Variants in C17orf78 observed in about 807,000 individuals in gnomAD.
C17orf78 encodes the protein chromosome 17 open reading frame 78, also known as uncharacterized protein C17orf78.
A neutral mutation model predicts 31.8 loss-of-function variants in C17orf78; 27 were observed. The ratio of observed to expected loss-of-function variants is 0.85; its 90% CI spans 0.63 to 1.17. C17orf78 has a LOEUF of 1.17. C17orf78 is among the 50% of genes most tolerant of loss of function. The probability of loss-of-function intolerance (pLI) is 0.00; values close to 1 mark genes in which losing one functional copy is unlikely to be tolerated. For synonymous variants in C17orf78, 106 were observed against 115.1 expected (o/e 0.92, Z 0.51); for missense variants, 258 against 315.2 (o/e 0.82, Z 1.37).
intron 3 of C17orf78, among the ~76,000 whole-genome samples, chr17:37,380,288 G>A (rs1309708002): frequency 9.2e-6 from 1 of 108,924 alleles, no homozygotes; most frequent in African/African-American, 4.1e-5. Context: ...GGTGGGGGGA[G>A]GGGGGAGGGA....
In C17orf78 at chr17:37,392,335, A is replaced by T. The variant is rs2050918168; in HGVS notation, c.*611A>T. ...CCCAAGTGAAGTCTTCTGACGATCC[A>T]GAATTCCTAAGGTGGCTCTGATATT... On this transcript the variant is annotated 3_prime_UTR_variant, in exon 7 of 7. Coordinates refer to ENST00000615133, the MANE Select transcript of C17orf78 (RefSeq NM_173625.5). The T allele has an allele frequency of 6.6e-6, 1 of 152,326 alleles. No individual in the cohort carries two copies. Among genetic ancestry groups the T allele is most frequent in the African/African-American group, 2.4e-5 (1 of 41,464 alleles). The allele number at this position is 152,326 out of a possible 1,614,324, so 9.4% of individuals were successfully genotyped here. A position where few individuals can be genotyped will look rare whatever the true frequency, so the allele number is the denominator to read the frequency against.
chr17:37,390,171 T>TACACAC lies in C17orf78; in HGVS notation c.750+810_750+811insCACACA, dbSNP rs1214175820. ...ATATATATATATATATATATATATA[T>TACACAC]ATATACACACACACATTATATATAA... On this transcript the variant is annotated intron_variant, in intron 6 of 6. Transcript: ENST00000615133. Among the ~76,000 whole-genome samples the TACACAC allele has an allele frequency of 7.1e-5, 4 of 56,176 alleles. 1 individual carries two copies. Among genetic ancestry groups the TACACAC allele is most frequent in the African/African-American group, 4.0e-4 (4 of 10,088 alleles). 36.9% of individuals were successfully genotyped at this position (56,176 alleles called of 152,430 possible). A position where few individuals can be genotyped will look rare whatever the true frequency, so the allele number is the denominator to read the frequency against.
At chr17:37,381,588 C>T (rs1310459489) in intron 3 of C17orf78, among the ~76,000 whole-genome samples, 1 of 150,518 alleles carries the variant, frequency 6.6e-6, no homozygotes, top group Non-Finnish European at 1.5e-5. Flanking sequence ...TTCTTTTTAA[C>T]AGTTTTACAT....
chr17:37,386,178 G>A lies in C17orf78; in HGVS notation c.508+53G>A, dbSNP rs922800505. Reference sequence around the variant, plus strand: ...AGTACAGAATAAGTAGGAGTAAAATGGGAACAGAAAAGAAACATTTTTAGC... The same window carrying A: ...AGTACAGAATAAGTAGGAGTAAAATAGGAACAGAAAAGAAACATTTTTAGC... On this transcript the variant is annotated intron_variant, in intron 4 of 6. Transcript: ENST00000615133. The A allele has an allele frequency of 8.3e-6, 10 of 1,207,930 alleles. No homozygotes were observed. In the African/African-American group the frequency reaches 1.1e-4, roughly 13 times the overall value. The allele number at this position is 1,207,930 out of a possible 1,614,324, so 74.8% of individuals were successfully genotyped here. A position where few individuals can be genotyped will look rare whatever the true frequency, so the allele number is the denominator to read the frequency against.
rs1386032855 is a variant in C17orf78, at chr17:37,390,330, A to ATATATATATATCTATATC, written c.750+972_750+973insTATATATCTATATCTATA. Among the ~76,000 whole-genome samples the ATATATATATATCTATATC allele has an allele frequency of 1.2e-4, 5 of 41,582 alleles. 1 individual carries two copies. The highest frequency in any genetic ancestry group is 2.6e-4 in the African/African-American group (2 of 7,842). 27.3% of individuals were successfully genotyped at this position (41,582 alleles called of 152,430 possible). On this transcript the variant is annotated intron_variant, in intron 6 of 6. Transcript: ENST00000615133. ...TATATATATATATATATATATATAT[A>ATATATATATATCTATATC]TATAAAAGGCCAGCTGGGCCGGGCA... is the stretch of plus-strand genomic sequence containing the variant.
intron 4 of C17orf78, chr17:37,387,871 T>C (rs952650814): frequency 3.3e-5 from 5 of 152,136 alleles, no homozygotes; most frequent in African/African-American, 9.7e-5. Flanking sequence ...AATAATGAGA[T>C]GCACATTAGG....
rs749540176 is a variant in C17orf78 at position 37,389,278 on chromosome 17, A to G, written c.666A>G (p.Gln222=). 1.3e-6 allele frequency: 2 copies of G among 1,596,664 alleles called. No homozygotes were observed. Among genetic ancestry groups the G allele is most frequent in the Non-Finnish European group, 1.7e-6 (2 of 1,171,694 alleles). ...YQCLGARKLC[Q]CQWLWRWQKK... Reference sequence around the variant, plus strand: ...GCCTAGGAGCCAGGAAGCTGTGCCAATGCCAGTGGTTGTGGAGATGGCAAA... The same window carrying G: ...GCCTAGGAGCCAGGAAGCTGTGCCAGTGCCAGTGGTTGTGGAGATGGCAAA... The change falls in exon 6 of 7, where the codon CAA becomes CAG. Residue 222 remains glutamine (Q), a synonymous_variant. Coordinates refer to ENST00000615133, the MANE Select transcript of C17orf78 (RefSeq NM_173625.5).
intron 4 of C17orf78, chr17:37,388,039 C>T (rs1264087355): frequency 2.6e-5 from 4 of 152,046 alleles, no homozygotes; most frequent in African/African-American, 9.7e-5. Flanking sequence ...GTGGCGTTCG[C>T]CTGTGGTCTG....
At position 37,390,330 on chromosome 17, in the gene C17orf78, A is replaced by ATATATATAATATATATATATC. The variant is rs1386032855; in HGVS notation, c.750+972_750+973insTATAATATATATATATCTATA. Among the ~76,000 whole-genome samples the ATATATATAATATATATATATC allele has an allele frequency of 1.9e-4, 8 of 41,592 alleles. 2 individuals carry two copies. Among genetic ancestry groups the ATATATATAATATATATATATC allele is most frequent in the African/African-American group, 7.7e-4 (6 of 7,838 alleles). 27.3% of individuals were successfully genotyped at this position (41,592 alleles called of 152,430 possible). On this transcript the variant is annotated intron_variant, in intron 6 of 6. Coordinates refer to ENST00000615133, the MANE Select transcript of C17orf78 (RefSeq NM_173625.5). Reference sequence around the variant, plus strand: ...TATATATATATATATATATATATATATATAAAAGGCCAGCTGGGCCGGGCA... The same window carrying ATATATATAATATATATATATC: ...TATATATATATATATATATATATATATATATATAATATATATATATCTATAAAAGGCCAGCTGGGCCGGGCA...
chr17:37,386,083 A>G lies in C17orf78; in HGVS notation c.466A>G (p.Ile156Val). 1.9e-6 allele frequency: 3 copies of G among 1,600,886 alleles called. No homozygotes were observed. The highest frequency in any genetic ancestry group is 1.1e-5 in the South Asian group (1 of 89,470). ...GACTTTTCCCACCACTGCCCCTTCTATAACTCCTGGGAATAAAGAAGGAGA... is the reference window on the plus strand; with the variant it reads ...GACTTTTCCCACCACTGCCCCTTCTGTAACTCCTGGGAATAAAGAAGGAGA... ...SETFPTTAPS[I>V]TPGNKEGEKT... is the part of the protein sequence containing the mutation. The change falls in exon 4 of 7, where the codon ATA (isoleucine) becomes GTA (valine). Residue 156 changes from isoleucine to valine, a missense_variant. Transcript: ENST00000615133.
intron 6 of C17orf78, 59 bp from the exon 7 acceptor site, chr17:37,391,588 C>A: frequency 1.3e-6 from 2 of 1,489,732 alleles, no homozygotes; most frequent in South Asian, 1.1e-5. Flanking sequence ...TTTCTTGGTA[C>A]ATGAAGAACT....
chr17:37,391,850 T>C lies in C17orf78; in HGVS notation c.*126T>C, dbSNP rs150689068. On this transcript the variant is annotated 3_prime_UTR_variant, in exon 7 of 7. Transcript: ENST00000615133. The stretch of plus-strand genomic sequence containing the variant: ...GACATTACAATCAAACACCAATTCC[T>C]GGTTAATGAAGGGAGAGTGTGGGCT... The C allele has an allele frequency of 1.1e-5, 10 of 885,426 alleles. No homozygotes were observed. In the African/African-American group the frequency reaches 1.1e-4, roughly 10 times the overall value. The allele number at this position is 885,426 out of a possible 1,614,324, so 54.8% of individuals were successfully genotyped here. A position where few individuals can be genotyped will look rare whatever the true frequency, so the allele number is the denominator to read the frequency against.
intron 3 of C17orf78, among the ~76,000 whole-genome samples, chr17:37,385,089 A>T (rs529824575): frequency 6.6e-6 from 1 of 152,166 alleles, no homozygotes; most frequent in Admixed American, 6.5e-5. Context: ...TCTCATCTGG[A>T]CTTTTGCAAT....
rs773317302 is a variant in C17orf78 at position 37,376,126 on chromosome 17, G to A, written c.34G>A (p.Ala12Thr). Residue 12 changes from alanine (A) to threonine (T), a missense_variant, in exon 1 of 7, where the codon GCA (alanine) becomes ACA (threonine). Physicochemically the swap from Ala to Thr is moderately conservative, Grantham distance 58. Transcript: ENST00000615133. ...CATCTTGGTCTTCAGCCTAATCATT[G>A]CATCCTATGATGCCAACAAGAAAGG... is the stretch of plus-strand genomic sequence containing the variant. ...DTILVFSLII[A>T]SYDANKKDLR... 5.0e-6 allele frequency: 8 copies of A among 1,612,980 alleles called. No homozygotes were observed. The highest frequency in any genetic ancestry group is 5.1e-6 in the Non-Finnish European group (6 of 1,179,028).
chr17:37,377,463 C>A (rs1022810062), intron 1 of C17orf78, among the ~76,000 whole-genome samples: 1 of 151,880 alleles, frequency 6.6e-6, no homozygotes, highest in African/African-American at 2.4e-5. Flanking sequence ...AGTTTGAGAC[C>A]AGCATAGCCA....
intron 3 of C17orf78, among the ~76,000 whole-genome samples, chr17:37,383,204 G>A (rs2050380747): frequency 1.3e-5 from 2 of 152,152 alleles, no homozygotes; most frequent in African/African-American, 4.8e-5. Flanking sequence ...GAGCACTCTG[G>A]GTGGAGTGAA....
chr17:37,389,134 A>G, intron 5 of C17orf78, 112 bp from the exon 6 acceptor site: 1 of 1,354,640 alleles, frequency 7.4e-7, no homozygotes, highest in Non-Finnish European at 1.0e-6. Flanking sequence ...ATAGGACTGA[A>G]TATTTTATTT....
Position 37,377,862 on chromosome 17 carries a change from C to A in C17orf78, c.59-17C>A, listed in dbSNP as rs779438195. The A allele has an allele frequency of 2.8e-5, 45 of 1,607,936 alleles. No individual in the cohort carries two copies. Among genetic ancestry groups the A allele is most frequent in the Non-Finnish European group, 3.7e-5 (44 of 1,175,446 alleles). ...AACCTTCCCCGGTTCCCCTCCTCCCCCTCTGCTCACCCCCAGACCTCAGAG... is the reference window on the plus strand; with the variant it reads ...AACCTTCCCCGGTTCCCCTCCTCCCACTCTGCTCACCCCCAGACCTCAGAG... On this transcript the variant is annotated splice_polypyrimidine_tract_variant and intron_variant, in intron 1 of 6. Coordinates refer to ENST00000615133, the MANE Select transcript of C17orf78 (RefSeq NM_173625.5).
chr17:37,390,330 A>ATATATATATATATATCTATATC (rs1386032855), intron 6 of C17orf78, among the ~76,000 whole-genome samples: 5 of 41,580 alleles, frequency 1.2e-4, no homozygotes, highest in Admixed American at 5.0e-4. Flanking sequence ...ATATATATAT[A>ATATATATATATATATCTATATC]TATAAAAGGC....
Sources: allele counts gnomAD v4.1 joint callset (sites outside exome capture counted in the v4.1 genomes callset), GRCh38; gene constraint gnomAD v4.1.1; transcripts MANE v1.5; gene names NCBI Gene and HGNC (gene_info 2026-07-23, HGNC 2026-07-21).